Variants in PLEKHA5 observed in about 807,000 individuals in gnomAD.
The protein encoded by PLEKHA5 is pleckstrin homology domain-containing family A member 5.
In PLEKHA5, 55 loss-of-function variants were observed where a neutral mutation model predicts 181.9. That is an observed-to-expected ratio of 0.30 (90% CI 0.24 to 0.38). The LOEUF is 0.38. Among genes scored for constraint, PLEKHA5 ranks in the 10% least tolerant of loss-of-function variants. The pLI is 1.00. For synonymous variants in PLEKHA5, 535 were observed against 529.4 expected (o/e 1.01, Z -0.15); for missense variants, 1,432 against 1,549.5 (o/e 0.92, Z 1.27).
At chr12:19,298,688 C>T (rs2080618021) in intron 15 of PLEKHA5, among the ~76,000 whole-genome samples, 1 of 151,780 alleles carries the variant, frequency 6.6e-6, no homozygotes, top group African/African-American at 2.4e-5. Context: ...TCATCTTTAT[C>T]CCTCAAGTCC....
intron 15 of PLEKHA5, among the ~76,000 whole-genome samples, chr12:19,311,342 G>A (rs542452359): frequency 1.3e-4 from 20 of 151,518 alleles, no homozygotes; most frequent in African/African-American, 4.4e-4. Context: ...GGAGGCTGAA[G>A]CGGCAGGATC....
At chr12:19,203,090 T>C (rs967387865) in intron 3 of PLEKHA5, among the ~76,000 whole-genome samples, 1 of 152,078 alleles carries the variant, frequency 6.6e-6, no homozygotes, top group African/African-American at 2.4e-5. Flanking sequence ...TTAAAGGATA[T>C]ATGTAATTAC....
chr12:19,211,478 C>A (rs2056886902), intron 3 of PLEKHA5, among the ~76,000 whole-genome samples: 2 of 152,074 alleles, frequency 1.3e-5, no homozygotes, highest in Admixed American at 6.6e-5. Context: ...CAAGCCAAGG[C>A]ATGCAGAAGC....
intron 3 of PLEKHA5, among the ~76,000 whole-genome samples, chr12:19,137,074 A>G (rs2035870708): frequency 6.6e-6 from 1 of 150,798 alleles, no homozygotes; most frequent in Non-Finnish European, 1.5e-5. Context: ...ACGGAGTTTC[A>G]CTCTTGTTGC....
intron 15 of PLEKHA5, among the ~76,000 whole-genome samples, chr12:19,296,408 C>T (rs2079811996): frequency 6.6e-6 from 1 of 151,784 alleles, no homozygotes. Flanking sequence ...ATTAGCCGGG[C>T]CTGGTGGTGT....
chr12:19,173,005 C>CT (rs71064064), intron 3 of PLEKHA5, among the ~76,000 whole-genome samples: 1,268 of 33,304 alleles, frequency 0.038, 349 homozygotes, highest in Middle Eastern at 0.11. Flanking sequence ...ATTTCCCTTT[C>CT]TTTTTTTTTT....
chr12:19,337,228 A>G (rs2093502230), intron 21 of PLEKHA5, among the ~76,000 whole-genome samples: 1 of 152,078 alleles, frequency 6.6e-6, no homozygotes, highest in South Asian at 2.1e-4. Flanking sequence ...ACCTAGTTCC[A>G]AGGGTTAGTT....
At chr12:19,194,757 T>G (rs772365138) in intron 3 of PLEKHA5, among the ~76,000 whole-genome samples, 26 of 152,190 alleles carry the variant, frequency 1.7e-4, no homozygotes, top group Non-Finnish European at 3.5e-4. Context: ...CAAGGACAAG[T>G]GCTCTAGGGA....
chr12:19,319,422 C>T (rs185564328), intron 16 of PLEKHA5, among the ~76,000 whole-genome samples: 13 of 152,240 alleles, frequency 8.5e-5, no homozygotes, highest in African/African-American at 3.1e-4. Flanking sequence ...AAAGTTATCT[C>T]CTGTTTAAAT....
At chr12:19,328,666 G>A (rs2092526977) in intron 20 of PLEKHA5, among the ~76,000 whole-genome samples, 1 of 151,896 alleles carries the variant, frequency 6.6e-6, no homozygotes, top group Non-Finnish European at 1.5e-5. Context: ...AGAAATGCCA[G>A]TGATTTTTGT....
chr12:19,346,019 T>C, intron 23 of PLEKHA5, 131 bp downstream of exon 23: 1 of 448,130 alleles, frequency 2.2e-6, no homozygotes. Context: ...TGTTTTAGTC[T>C]TGAAATTTTA....
intron 15 of PLEKHA5, among the ~76,000 whole-genome samples, chr12:19,294,924 A>T (rs1289694296): frequency 6.6e-6 from 1 of 152,226 alleles, no homozygotes; most frequent in East Asian, 1.9e-4. Context: ...GTTTAAAAAT[A>T]ACAATAGATA....
chr12:19,281,964 C>T (rs1158660891), intron 11 of PLEKHA5, among the ~76,000 whole-genome samples: 2 of 151,698 alleles, frequency 1.3e-5, no homozygotes, highest in African/African-American at 4.8e-5. Flanking sequence ...TTGTATTTTT[C>T]GAAGAGACGG....
chr12:19,129,940 C>A, intron 1 of PLEKHA5, 52 bp downstream of exon 1: 1 of 1,526,564 alleles, frequency 6.6e-7, no homozygotes, highest in East Asian at 2.4e-5. Context: ...GGGCAGGAGG[C>A]GGGCGGCTGG....
At chr12:19,197,739 T>C (rs1193833002) in intron 3 of PLEKHA5, among the ~76,000 whole-genome samples, 1 of 147,016 alleles carries the variant, frequency 6.8e-6, no homozygotes, top group African/African-American at 2.5e-5. Flanking sequence ...TGTGTTTAAG[T>C]CGCCTCGTTC....
rs543430751 is a variant in PLEKHA5, at chr12:19,223,134, C to T, written c.228-30806C>T. On this transcript the variant is annotated intron_variant, in intron 3 of 31. Coordinates refer to ENST00000429027, the MANE Select transcript of PLEKHA5 (RefSeq NM_001256470.2). ...TTGCTGAGTGCCTCCCGCTACAACC[C>T]GTGGCTCCTAAGTGGAAATGTGTGC... Among the ~76,000 whole-genome samples, 22 of 151,760 alleles carry T rather than the reference C, an allele frequency of 1.4e-4. No individual in the cohort carries two copies. In the South Asian group the frequency reaches 2.1e-3, roughly 14 times the overall value.
intron 10 of PLEKHA5, among the ~76,000 whole-genome samples, chr12:19,274,084 T>C (rs2073871197): frequency 6.6e-6 from 1 of 152,210 alleles, no homozygotes; most frequent in Non-Finnish European, 1.5e-5. Context: ...TGATTTCCTG[T>C]TGCAGCCATT....
At chr12:19,369,031 T>G (rs999973642) in intron 30 of PLEKHA5, among the ~76,000 whole-genome samples, 1 of 151,982 alleles carries the variant, frequency 6.6e-6, no homozygotes, top group Admixed American at 6.6e-5. Context: ...TTGTTTGTTT[T>G]TTGTTGTTGT....
chr12:19,194,874 TA>T (rs1275671102), intron 3 of PLEKHA5, among the ~76,000 whole-genome samples: 1 of 152,188 alleles, frequency 6.6e-6, no homozygotes, highest in East Asian at 1.9e-4. Flanking sequence ...ACCTACTTAT[TA>T]AAACTAATGA....
Sources: gnomAD v4.1 joint callset for allele counts (sites outside exome capture counted in the v4.1 genomes callset) on GRCh38, gnomAD v4.1.1 for gene constraint, MANE v1.5 for transcripts, NCBI Gene and HGNC (gene_info 2026-07-23, HGNC 2026-07-21) for gene names.